KCND3: variants seen among roughly 807,000 people sequenced by gnomAD.
The protein encoded by KCND3 is potassium voltage-gated channel subfamily D member 3, also known as A-type voltage-gated potassium channel KCND3.
Under a neutral mutation model 51.1 loss-of-function variants are expected in KCND3, and 9 were observed. That is an observed-to-expected ratio of 0.18 (90% confidence interval 0.11 to 0.31). The LOEUF (loss-of-function observed/expected upper bound fraction) is 0.31, where lower values mean the gene tolerates loss of function less well. Ranked by LOEUF, KCND3 falls within the 10% of genes least tolerant of loss-of-function variation. KCND3 has a pLI of 1.00. For missense variants in KCND3, 526 were observed against 903.8 expected, an observed-to-expected ratio of 0.58 and a Z score of 5.36; for synonymous variants, 349 against 368.0, an observed-to-expected ratio of 0.95 and a Z score of 0.59.
At chr1:111,946,562 C>T (rs1258371635) in intron 2 of KCND3, among the ~76,000 whole-genome samples, 1 of 152,210 alleles carries the variant, frequency 6.6e-6, no homozygotes, top group African/African-American at 2.4e-5. Context: ...CAGGATCACT[C>T]CCAAGTCTCC....
intron 2 of KCND3, among the ~76,000 whole-genome samples, chr1:111,916,941 T>A (rs935858702): frequency 6.6e-6 from 1 of 152,216 alleles, no homozygotes; most frequent in Non-Finnish European, 1.5e-5. Flanking sequence ...CAGGTACAGA[T>A]GGCTTCACTG....
chr1:111,776,241 T>C lies in KCND3; in HGVS notation c.1804A>G (p.Arg602Gly), dbSNP rs1238596325. 1.2e-6 allele frequency: 2 copies of C among 1,614,198 alleles called. No homozygotes were observed. The highest frequency in any genetic ancestry group is 2.2e-5 in the East Asian group (1 of 44,884). Residue 602 changes from arginine to glycine, a missense_variant, in exon 8 of 8, where the codon AGA (arginine) becomes GGA (glycine). By Grantham distance (125) the Arg-to-Gly change is moderately radical. Transcript: ENST00000302127. ...ATCTGGGATGTTTTGCAGTTTGGTCTCAGTCCGTCGTCTGCTTTCAAATTA... is the reference window on the plus strand; with the variant it reads ...ATCTGGGATGTTTTGCAGTTTGGTCCCAGTCCGTCGTCTGCTTTCAAATTA... ...SLNLKADDGL[R>G]PNCKTSQITT...
intron 2 of KCND3, among the ~76,000 whole-genome samples, chr1:111,842,505 G>C (rs1284399465): frequency 6.6e-6 from 1 of 152,200 alleles, no homozygotes; most frequent in Non-Finnish European, 1.5e-5. Flanking sequence ...AGATGCAGTG[G>C]GGGCTGGGAG....
chr1:111,899,219 G>T (rs895470956), intron 2 of KCND3, among the ~76,000 whole-genome samples: 21 of 152,172 alleles, frequency 1.4e-4, no homozygotes, highest in Non-Finnish European at 3.1e-4. Flanking sequence ...TGTTCCAGCA[G>T]GTGACTCCAC....
At chr1:111,961,883 C>T (rs1009146277) in intron 2 of KCND3, among the ~76,000 whole-genome samples, 1 of 152,188 alleles carries the variant, frequency 6.6e-6, no homozygotes, top group Non-Finnish European at 1.5e-5. Context: ...GTGAGTGATG[C>T]CCACAGAGCC....
intron 2 of KCND3, among the ~76,000 whole-genome samples, chr1:111,848,264 C>G (rs1359524125): frequency 6.6e-6 from 1 of 152,230 alleles, no homozygotes; most frequent in Non-Finnish European, 1.5e-5. Context: ...CACCTGAGAT[C>G]AGAACTCATG....
chr1:111,802,579 C>G (rs557086539), intron 2 of KCND3, among the ~76,000 whole-genome samples: 115 of 152,328 alleles, frequency 7.5e-4, no homozygotes, highest in African/African-American at 2.7e-3. Flanking sequence ...AATATGCACT[C>G]ACAGACCCCA....
intron 2 of KCND3, among the ~76,000 whole-genome samples, chr1:111,816,358 G>A (rs77662165): frequency 0.018 from 2,722 of 152,312 alleles, 74 homozygotes; most frequent in African/African-American, 0.061. Flanking sequence ...TGAGTGGAGT[G>A]AACTGACTCA....
chr1:111,938,103 T>A (rs895734304), intron 2 of KCND3, among the ~76,000 whole-genome samples: 5 of 152,190 alleles, frequency 3.3e-5, no homozygotes, highest in Admixed American at 3.3e-4. Flanking sequence ...CCTCACTGAC[T>A]TAAGCCCTCA....
At chr1:111,947,640 T>C (rs1047815872) in intron 2 of KCND3, among the ~76,000 whole-genome samples, 3 of 152,162 alleles carry the variant, frequency 2.0e-5, no homozygotes, top group African/African-American at 7.2e-5. Context: ...AGGTGAATGG[T>C]CAATCAAAAC....
At chr1:111,945,707 G>C (rs1466159527) in intron 2 of KCND3, among the ~76,000 whole-genome samples, 1 of 152,224 alleles carries the variant, frequency 6.6e-6, no homozygotes, top group Non-Finnish European at 1.5e-5. Flanking sequence ...GTCCCCAGCA[G>C]CTGGGTTTTC....
chr1:111,900,344 GT>G lies in KCND3; in HGVS notation c.1106+81276del, dbSNP rs199733494. Reference sequence around the variant, plus strand: ...AAACCTCCAGGAGACAGCATTTCAGGTACTAGTGACAAGTGTGCTTACCTGC... The same window carrying G: ...AAACCTCCAGGAGACAGCATTTCAGGACTAGTGACAAGTGTGCTTACCTGC... On this transcript the variant is annotated intron_variant, in intron 2 of 7. Transcript: ENST00000302127. Among the ~76,000 whole-genome samples the G allele has an allele frequency of 4.8e-3, 725 of 152,264 alleles. 5 individuals are homozygous for G. The highest frequency in any genetic ancestry group is 0.012 in the South Asian group (60 of 4,820).
chr1:111,815,930 C>A (rs924994488), intron 2 of KCND3, among the ~76,000 whole-genome samples: 2 of 152,108 alleles, frequency 1.3e-5, no homozygotes, highest in African/African-American at 4.8e-5. Context: ...CCAGCCCCTA[C>A]CTCCACTGCC....
intron 2 of KCND3, among the ~76,000 whole-genome samples, chr1:111,961,258 T>C (rs370014575): frequency 7.9e-5 from 12 of 152,214 alleles, no homozygotes; most frequent in Admixed American, 1.3e-4. Flanking sequence ...AGCGAGGCCA[T>C]TGTGCTCTGA....
At chr1:111,985,692 G>C (rs1456170355) in intron 1 of KCND3, among the ~76,000 whole-genome samples, 1 of 152,200 alleles carries the variant, frequency 6.6e-6, no homozygotes, top group Admixed American at 6.5e-5. Context: ...TCCAATTCAA[G>C]TATCTGCCTC....
intron 2 of KCND3, among the ~76,000 whole-genome samples, chr1:111,946,768 G>A (rs931268020): frequency 6.6e-6 from 1 of 152,204 alleles, no homozygotes; most frequent in Admixed American, 6.5e-5. Context: ...GCTGGTCTTA[G>A]TTCCCACACC....
chr1:111,816,054 G>A (rs1294483949), intron 2 of KCND3, among the ~76,000 whole-genome samples: 1 of 152,212 alleles, frequency 6.6e-6, no homozygotes, highest in Admixed American at 6.5e-5. Context: ...GAATCATCTC[G>A]TTTAATCCTT....
chr1:111,776,126 G>C lies in KCND3; in HGVS notation c.1919C>G (p.Thr640Arg). The C allele has an allele frequency of 6.2e-7, 1 of 1,614,230 alleles. No homozygotes were observed. Among genetic ancestry groups the C allele is most frequent in the Non-Finnish European group, 8.5e-7 (1 of 1,180,048 alleles). ...RPPPASPGPNTNIPSIASNVV... is the reference protein window; with the variant it reads ...RPPPASPGPNRNIPSIASNVV... ...ATTGCTGGCTATGGAAGGAATGTTCGTGTTGGGGCCTGGGCTGGCAGGGGG... is the reference window on the plus strand; with the variant it reads ...ATTGCTGGCTATGGAAGGAATGTTCCTGTTGGGGCCTGGGCTGGCAGGGGG... Residue 640 changes from threonine to arginine, a missense_variant, in exon 8 of 8, where the codon ACG becomes AGG. This residue lies in a region of KCND3 where 266 missense variants were observed against 305.5 expected (regional missense o/e 0.87). Coordinates refer to ENST00000302127, the MANE Select transcript of KCND3 (RefSeq NM_001378969.1).
intron 2 of KCND3, among the ~76,000 whole-genome samples, chr1:111,803,212 C>T (rs150454335): frequency 2.6e-5 from 4 of 152,312 alleles, no homozygotes; most frequent in African/African-American, 9.6e-5. Flanking sequence ...GCCTTACCCG[C>T]CCCCACCCCA....
Sources: gnomAD v4.1 joint callset for allele counts (sites outside exome capture counted in the v4.1 genomes callset) on GRCh38, gnomAD v4.1.1 for gene constraint, gnomAD v4.1.1 regional missense constraint, MANE v1.5 for transcripts, NCBI Gene and HGNC (gene_info 2026-07-23, HGNC 2026-07-21) for gene names.